Variants in GLIS3 observed in about 807,000 individuals in gnomAD.
The protein encoded by GLIS3 is GLIS family zinc finger 3.
In GLIS3, 53 loss-of-function variants were observed where a neutral mutation model predicts 78.6. The ratio of observed to expected loss-of-function variants is 0.67; its 90% CI spans 0.54 to 0.85. GLIS3 has a LOEUF of 0.85. Among genes scored for constraint, GLIS3 ranks in the 40% least tolerant of loss-of-function variants. The pLI is 0.00. For missense variants in GLIS3, 1,703 were observed against 1,231.1 expected (o/e 1.38, Z -5.74); for synonymous variants, 684 against 509.9 (o/e 1.34, Z -4.60).
chr9:4,029,573 C>A (rs539243579), intron 4 of GLIS3, among the ~76,000 whole-genome samples: 2 of 152,018 alleles, frequency 1.3e-5, no homozygotes, highest in African/African-American at 4.8e-5. Flanking sequence ...GACCCACTAA[C>A]CATCCCTGCC....
chr9:4,490,374 T>A, the GLIS3 span: 6 of 197,940 alleles, frequency 3.0e-5, no homozygotes, highest in South Asian at 8.9e-4. Context: ...CCCACCCTCC[T>A]TCCCGGGCCT....
intron 8 of GLIS3, among the ~76,000 whole-genome samples, chr9:3,865,291 A>C (rs986390034): frequency 3.3e-5 from 5 of 152,196 alleles, no homozygotes; most frequent in Admixed American, 3.3e-4. Flanking sequence ...GCAGAAAGAT[A>C]ATCTCTTAGC....
chr9:4,047,458 C>G (rs1229581876), intron 4 of GLIS3, among the ~76,000 whole-genome samples: 1 of 152,158 alleles, frequency 6.6e-6, no homozygotes, highest in African/African-American at 2.4e-5. Flanking sequence ...TATTCTAATT[C>G]TGTTCATTTC....
chr9:4,123,873 G>C, intron 3 of GLIS3: 1 of 397,882 alleles, frequency 2.5e-6, no homozygotes, highest in Non-Finnish European at 4.4e-6. Flanking sequence ...ACATCTTCAG[G>C]AAAAACAATA....
At chr9:4,165,148 A>T (rs1835780718) in intron 2 of GLIS3, among the ~76,000 whole-genome samples, 1 of 152,144 alleles carries the variant, frequency 6.6e-6, no homozygotes, top group Non-Finnish European at 1.5e-5. Context: ...ACCATTCCCA[A>T]CATCATTCCT....
chr9:4,465,585 T>A, the GLIS3 span, among the ~76,000 whole-genome samples: 138 of 152,222 alleles, frequency 9.1e-4, 1 homozygote, highest in Admixed American at 2.9e-3. Flanking sequence ...TAAATAATAA[T>A]TCTTGTAACT....
chr9:4,448,534 ATTGTTG>A, the GLIS3 span, among the ~76,000 whole-genome samples: 1 of 152,220 alleles, frequency 6.6e-6, no homozygotes, highest in Non-Finnish European at 1.5e-5. Context: ...TCTTCTGCAC[ATTGTTG>A]TTGTCATTAT....
chr9:4,172,973 T>C (rs1816502434), intron 2 of GLIS3, among the ~76,000 whole-genome samples: 1 of 152,208 alleles, frequency 6.6e-6, no homozygotes, highest in Non-Finnish European at 1.5e-5. Flanking sequence ...CTGAATTTTT[T>C]TGTAAAATCC....
chr9:4,235,618 T>C (rs1006025985), intron 2 of GLIS3, among the ~76,000 whole-genome samples: 6 of 152,138 alleles, frequency 3.9e-5, no homozygotes, highest in Non-Finnish European at 8.8e-5. Flanking sequence ...CTCCTGTCTG[T>C]CCTCTTTGGA....
At chr9:4,186,064 T>C (rs1486984990) in intron 2 of GLIS3, among the ~76,000 whole-genome samples, 1 of 152,006 alleles carries the variant, frequency 6.6e-6, no homozygotes, top group African/African-American at 2.4e-5. Context: ...GTTAGTTACA[T>C]ATGTATACAT....
At chr9:4,377,346 C>A in the GLIS3 span, among the ~76,000 whole-genome samples, 3 of 135,426 alleles carry the variant, frequency 2.2e-5, 1 homozygote, top group Admixed American at 7.4e-5. Context: ...TCCTTCCATT[C>A]CTCCCACCCT....
At chr9:4,021,734 A>G (rs1203122773) in intron 4 of GLIS3, among the ~76,000 whole-genome samples, 1 of 152,188 alleles carries the variant, frequency 6.6e-6, no homozygotes, top group Non-Finnish European at 1.5e-5. Flanking sequence ...TCTAAGAAGT[A>G]TCCAGGTATT....
intron 2 of GLIS3, among the ~76,000 whole-genome samples, chr9:4,240,682 G>T (rs776175334): frequency 4.6e-5 from 7 of 152,044 alleles, no homozygotes; most frequent in African/African-American, 7.2e-5. Context: ...ATCCTAAAAG[G>T]AATGAGACAA....
intron 2 of GLIS3, among the ~76,000 whole-genome samples, chr9:4,199,073 T>C (rs947257568): frequency 7.2e-5 from 11 of 152,118 alleles, no homozygotes; most frequent in Non-Finnish European, 1.3e-4. Context: ...GTTCCAAACA[T>C]GGAAAGGAAA....
rs532680076 is a variant in GLIS3 at position 4,114,898 on chromosome 9, T to C, written c.1710+2870A>G. Among the ~76,000 whole-genome samples, 3 of 152,210 alleles carry C rather than the reference T, an allele frequency of 2.0e-5. No homozygotes were observed. In the East Asian group the frequency reaches 5.8e-4, roughly 29 times the overall value. On this transcript the variant is annotated intron_variant, in intron 4 of 10. Transcript: ENST00000381971. ...TCCAGTAAGTTAACCAAATAATAAA[T>C]TCACAGCCCTCCCCCAGTTCTGCCA...
rs113682971 is a variant in GLIS3, at chr9:4,140,802, C to CCTTTT, written c.389-14862_389-14861insAAAAG. On this transcript the variant is annotated intron_variant, in intron 2 of 10. Transcript: ENST00000381971. The stretch of plus-strand genomic sequence containing the variant: ...AAGAGTAGACACTGTTTGAATTTAT[C>CCTTTT]TTTTTTTTTTTTTGAGACGGAGTTT... 5.4e-5 allele frequency among the ~76,000 whole-genome samples: 8 copies of CCTTTT among 148,628 alleles called. 1 individual carries two copies. Among genetic ancestry groups the CCTTTT allele is most frequent in the African/African-American group, 1.2e-4 (5 of 40,372 alleles).
chr9:4,369,142 T>C, the GLIS3 span, among the ~76,000 whole-genome samples: 5 of 152,094 alleles, frequency 3.3e-5, no homozygotes, highest in Admixed American at 6.6e-5. Context: ...TTTTTGCACA[T>C]TATTAAGACT....
chr9:4,440,800 T>C, the GLIS3 span, among the ~76,000 whole-genome samples: 3 of 152,236 alleles, frequency 2.0e-5, no homozygotes, highest in Non-Finnish European at 4.4e-5. Flanking sequence ...ACACAGGATA[T>C]CTTTTCATTT....
At chr9:4,148,302 C>T (rs976043447) in intron 2 of GLIS3, among the ~76,000 whole-genome samples, 1 of 152,098 alleles carries the variant, frequency 6.6e-6, no homozygotes, top group South Asian at 2.1e-4. Context: ...GAATTCACCA[C>T]TATGGTTCTT....
Sources: gnomAD v4.1 joint callset for allele counts (sites outside exome capture counted in the v4.1 genomes callset) on GRCh38, gnomAD v4.1.1 for gene constraint, MANE v1.5 for transcripts, NCBI Gene and HGNC (gene_info 2026-07-23, HGNC 2026-07-21) for gene names.